Variants in NUP210 observed in about 807,000 individuals in gnomAD.
NUP210 encodes the protein nuclear pore membrane glycoprotein 210.
In NUP210, 151 loss-of-function variants were observed where a neutral mutation model predicts 196.0. That is an observed-to-expected ratio of 0.77 (90% CI 0.67 to 0.88). The LOEUF (loss-of-function observed/expected upper bound fraction) is 0.88. NUP210 is among the 40% of genes least tolerant of loss of function. NUP210 has a pLI of 0.00. For synonymous variants in NUP210, 1,070 were observed against 1,052.7 expected (o/e 1.02, Z -0.32); for missense variants, 2,314 against 2,493.7 (o/e 0.93, Z 1.53).
At chr3:13,396,873 G>A (rs1161414242) in intron 3 of NUP210, among the ~76,000 whole-genome samples, 1 of 152,128 alleles carries the variant, frequency 6.6e-6, no homozygotes, top group Non-Finnish European at 1.5e-5. Flanking sequence ...AGATGTGAGG[G>A]CAGTGCCCTG....
At chr3:13,329,031 T>G in intron 30 of NUP210, 85 bp from the exon 31 acceptor site, 1 of 1,215,710 alleles carries the variant, frequency 8.2e-7, no homozygotes, top group Non-Finnish European at 1.2e-6. Flanking sequence ...AGGGGACACC[T>G]GCCCCCAGCA....
intron 5 of NUP210, among the ~76,000 whole-genome samples, chr3:13,387,380 C>A (rs1414118895): frequency 6.6e-6 from 1 of 152,248 alleles, no homozygotes; most frequent in African/African-American, 2.4e-5. Context: ...AGCAAGTCTG[C>A]CTTTCCAGCT....
At position 13,321,686 on chromosome 3, in the gene NUP210, G is replaced by A. The variant is rs765241938; in HGVS notation, c.5065C>T (p.Pro1689Ser). The change falls in exon 36 of 40, where the codon CCA (proline) becomes TCA (serine). Residue 1689 changes from proline (P) to serine (S), a missense_variant. Pro to Ser is a moderately conservative substitution (Grantham distance 74, BLOSUM62 -1). Coordinates refer to ENST00000254508, the MANE Select transcript of NUP210 (RefSeq NM_024923.4). ...TCAGCCTGGTCGGCGAAGAGACCTG[G>A]GCTGAAGGGCACCTCGGCCCCCACC... The part of the protein sequence containing the change: ...EQVGAEVPFS[P>S]GLFADQAEIL... 1 of 1,614,130 alleles carries A rather than the reference G, an allele frequency of 6.2e-7. No homozygotes were observed. The highest frequency in any genetic ancestry group is 1.1e-5 in the South Asian group (1 of 91,072).
In NUP210 at chr3:13,325,906, C is replaced by T. The variant is rs665064; in HGVS notation, c.4533G>A (p.Ser1511=). 0.46 allele frequency: 745,896 copies of T among 1,613,634 alleles called. 177,381 individuals are homozygous for T. Among genetic ancestry groups the T allele is most frequent in the East Asian group, 0.62 (27,833 of 44,848 alleles). Residue 1511 remains serine (S), a synonymous_variant, in exon 33 of 40, where the codon TCG becomes TCA. Coordinates refer to ENST00000254508, the MANE Select transcript of NUP210 (RefSeq NM_024923.4). ...LEGLSGTWSS[S]ANSILHIDPK... is the part of the protein sequence containing the mutation. ...GGTCGATGTGGAGGATGCTGTTGGC[C>T]GAGGAGCTCCAGGTTCCTGAGAGGC...
chr3:13,396,805 G>A (rs1366667895), intron 3 of NUP210, among the ~76,000 whole-genome samples: 15 of 146,180 alleles, frequency 1.0e-4, no homozygotes, highest in African/African-American at 3.8e-4. Context: ...TCCTTTAAGA[G>A]ATCACCTAGA....
At chr3:13,345,082 C>G in intron 20 of NUP210, 1 of 985,470 alleles carries the variant, frequency 1.0e-6, no homozygotes, top group Non-Finnish European at 1.2e-6. Flanking sequence ...GCATCTGGTA[C>G]AGCCTAGCCT....
chr3:13,408,649 A>G (rs1421949707), intron 1 of NUP210, among the ~76,000 whole-genome samples: 1 of 152,070 alleles, frequency 6.6e-6, no homozygotes, highest in Non-Finnish European at 1.5e-5. Flanking sequence ...TTAGCCAGGC[A>G]TCATGGCGTG....
chr3:13,336,631 G>A (rs969422501), intron 27 of NUP210, among the ~76,000 whole-genome samples, 156 bp downstream of exon 27: 8 of 152,146 alleles, frequency 5.3e-5, no homozygotes, highest in African/African-American at 1.7e-4. Context: ...AGGGAGTCCC[G>A]ATGAGCCTCG....
intron 1 of NUP210, among the ~76,000 whole-genome samples, chr3:13,408,856 G>A (rs1700076611): frequency 6.6e-6 from 1 of 151,626 alleles, no homozygotes; most frequent in Non-Finnish European, 1.5e-5. Context: ...TGGAACAGAA[G>A]GCATCTAGGG....
intron 3 of NUP210, among the ~76,000 whole-genome samples, chr3:13,393,035 G>C (rs1699541903): frequency 6.6e-6 from 1 of 152,204 alleles, no homozygotes. Flanking sequence ...CAGACCACTA[G>C]GCAGGCCACT....
rs1698902495 is a variant in NUP210 at position 13,376,290 on chromosome 3, C to T, written c.1293+1G>A. ...ACGACGCAGGGGAGACACCAACTTG[C>T]CTGGTCCACCACAGAGGTGAGGGCC... On this transcript the variant is annotated splice_donor_variant, in intron 10 of 39. Coordinates refer to ENST00000254508, the MANE Select transcript of NUP210 (RefSeq NM_024923.4). LOFTEE classifies it high-confidence loss of function. 5.6e-6 allele frequency: 9 copies of T among 1,613,336 alleles called. No individual in the cohort carries two copies. In the East Asian group the frequency reaches 2.0e-4, roughly 36 times the overall value.
Position 13,323,322 on chromosome 3 carries a change from G to C in NUP210, c.4755C>G (p.Ser1585Arg), listed in dbSNP as rs1359554164. Residue 1585 changes from serine (S) to arginine (R), a missense_variant, in exon 34 of 40, where the codon AGC becomes AGG. Ser to Arg is a moderately radical substitution (Grantham distance 110). Coordinates refer to ENST00000254508, the MANE Select transcript of NUP210 (RefSeq NM_024923.4). This position sits in a 1 kb window ranked among gnomAD's most constrained non-coding sequence, Gnocchi z 4.3. The stretch of plus-strand genomic sequence containing the variant: ...CTCATTAAGTACCTCTCAGGTTAGA[G>C]CTTCTGTCTCCCACGGCAACAATCA... ...SKVIVAVGDR[S>R]SNLRGECTPT... The C allele has an allele frequency of 1.2e-6, 2 of 1,614,158 alleles. No homozygotes were observed. The highest frequency in any genetic ancestry group is 1.7e-6 in the Non-Finnish European group (2 of 1,180,014).
chr3:13,321,852 G>T lies in NUP210; in HGVS notation c.4916-17C>A. ...AGTACTGGCCTGCGAAGACAAGGGT[G>T]TATTGTCTTGTCCCCTCTCCTGCCC... On this transcript the variant is annotated splice_polypyrimidine_tract_variant and intron_variant, in intron 35 of 39. Transcript: ENST00000254508. The T allele has an allele frequency of 1.3e-6, 2 of 1,598,858 alleles. No homozygotes were observed. Among genetic ancestry groups the T allele is most frequent in the Non-Finnish European group, 8.5e-7 (1 of 1,177,848 alleles).
Position 13,358,504 on chromosome 3 carries a change from G to A in NUP210, c.2155-109C>T, listed in dbSNP as rs1698265075. 4.6e-6 allele frequency: 5 copies of A among 1,088,738 alleles called. No homozygotes were observed. In the East Asian group the frequency reaches 1.3e-4, roughly 29 times the overall value. The allele number at this position is 1,088,738 out of a possible 1,614,324, so 67.4% of individuals were successfully genotyped here. ...CTCTGACTCAGTTTTCTCCTCTATA[G>A]GATGGGAGTGATGACGATACCCATG... On this transcript the variant is annotated intron_variant, in intron 15 of 39. Transcript: ENST00000254508.
chr3:13,332,235 G>A (rs926357198), intron 29 of NUP210, 58 bp downstream of exon 29: 3 of 1,351,632 alleles, frequency 2.2e-6, no homozygotes, highest in African/African-American at 2.8e-5. Context: ...GACACATGAG[G>A]TGTCGGATGC....
At position 13,341,815 on chromosome 3, in the gene NUP210, G is replaced by C. The variant is rs142731621; in HGVS notation, c.3161C>G (p.Thr1054Ser). The change falls in exon 23 of 40, where the codon ACC becomes AGC. Residue 1054 changes from threonine (T) to serine (S), a missense_variant. By Grantham distance (58) the Thr-to-Ser change is moderately conservative. Transcript: ENST00000254508. Reference protein sequence around the residue: ...FLIRGVAIGQTSLTASVTNKA... With the variant: ...FLIRGVAIGQSSLTASVTNKA... ...ATTGGTCACACTTGCAGTTAGACTG[G>C]TCTGGCCGATGGCCACACCGCGGAT... The C allele has an allele frequency of 9.0e-4, 1,452 of 1,614,178 alleles. 15 individuals carry two copies. The Middle Eastern group carries it at 9.4e-3, about 10-fold the overall frequency.
At chr3:13,374,266 T>C (rs1302849966) in intron 11 of NUP210, among the ~76,000 whole-genome samples, 1 of 152,144 alleles carries the variant, frequency 6.6e-6, no homozygotes, top group African/African-American at 2.4e-5. Flanking sequence ...CCACTCACCA[T>C]TCGCACCCAC....
intron 26 of NUP210, 39 bp downstream of exon 26, chr3:13,337,798 T>C: frequency 6.4e-7 from 1 of 1,572,284 alleles, no homozygotes; most frequent in South Asian, 1.1e-5. Context: ...GCAGTGGCTC[T>C]TCGGGAACCA....
At position 13,358,389 on chromosome 3, in the gene NUP210, C is replaced by A. The variant is rs201980979; in HGVS notation, c.2161G>T (p.Ala721Ser). ...CTGGGCTTGTTCCCCACCGACAGGG[C>A]GATGACCTGGTAGGGCACAGTGAAC... ...TCQALGEQVI[A>S]LSVGNKPSLT... is the part of the protein sequence containing the mutation. Residue 721 changes from alanine to serine, a missense_variant, in exon 16 of 40, where the codon GCC becomes TCC. Ala to Ser is a moderately conservative substitution (Grantham distance 99). Transcript: ENST00000254508. The A allele has an allele frequency of 1.9e-6, 3 of 1,609,308 alleles. No individual in the cohort carries two copies. Among genetic ancestry groups the A allele is most frequent in the Non-Finnish European group, 2.5e-6 (3 of 1,177,136 alleles).
Sources: gnomAD v4.1 joint callset for allele counts (sites outside exome capture counted in the v4.1 genomes callset) on GRCh38, gnomAD v4.1.1 for gene constraint, Gnocchi (gnomAD v3.1) non-coding constraint, MANE v1.5 for transcripts, NCBI Gene and HGNC (gene_info 2026-07-23, HGNC 2026-07-21) for gene names.